Variants in TTC27 observed in about 807,000 individuals in gnomAD.
TTC27 encodes tetratricopeptide repeat protein 27.
A neutral mutation model predicts 115.9 loss-of-function variants in TTC27; 79 were observed. The observed-to-expected ratio is 0.68, with a 90% confidence interval of 0.57 to 0.82. TTC27 has a LOEUF of 0.82. TTC27 is among the 40% of genes least tolerant of loss of function. The pLI is 0.00. For synonymous variants in TTC27, 401 were observed against 356.0 expected, an observed-to-expected ratio of 1.13 and a Z score of -1.42; for missense variants, 1,054 against 993.1, an observed-to-expected ratio of 1.06 and a Z score of -0.82.
In TTC27 at chr2:32,736,810, C is replaced by A. The variant is rs200755624; in HGVS notation, c.1446C>A (p.His482Gln). ...TTTGTTATGAAAGAGCCGGGCAGCA[C>A]GGAAAGGTATGTAATAGTCCAATTT... is the stretch of plus-strand genomic sequence containing the variant. ...VVICYERAGQ[H>Q]GKAEEILRQE... Residue 482 changes from histidine (H) to glutamine (Q), a missense_variant, in exon 12 of 20, where the codon CAC becomes CAA. Physicochemically the swap from His to Gln is conservative, Grantham distance 24. Coordinates refer to ENST00000317907, the MANE Select transcript of TTC27 (RefSeq NM_017735.5). 5.0e-6 allele frequency: 8 copies of A among 1,613,688 alleles called. No homozygotes were observed. In the African/African-American group the frequency reaches 5.3e-5, roughly 11 times the overall value.
At chr2:32,815,496 C>G (rs1359708673) in intron 18 of TTC27, among the ~76,000 whole-genome samples, 1 of 152,064 alleles carries the variant, frequency 6.6e-6, no homozygotes, top group East Asian at 1.9e-4. Flanking sequence ...CTCAGCCTCC[C>G]AAAGTGCTGG....
intron 9 of TTC27, among the ~76,000 whole-genome samples, chr2:32,691,933 T>A (rs1666825787): frequency 6.6e-6 from 1 of 151,468 alleles, no homozygotes; most frequent in Non-Finnish European, 1.5e-5. Flanking sequence ...TGTGTAAAAG[T>A]GGAAATTCCA....
intron 7 of TTC27, among the ~76,000 whole-genome samples, chr2:32,669,360 TTGAAGA>T (rs1665921940): frequency 1.3e-5 from 2 of 152,218 alleles, no homozygotes; most frequent in Non-Finnish European, 2.9e-5. Flanking sequence ...TAATTACTAC[TTGAAGA>T]TGGAGAGTAC....
intron 12 of TTC27, among the ~76,000 whole-genome samples, chr2:32,743,975 G>C (rs1157337982): frequency 1.3e-5 from 2 of 152,180 alleles, no homozygotes; most frequent in Non-Finnish European, 2.9e-5. Flanking sequence ...TTTAGTATTA[G>C]TTCCAGTTGA....
At chr2:32,653,844 A>C (rs897442266) in intron 5 of TTC27, among the ~76,000 whole-genome samples, 1 of 152,198 alleles carries the variant, frequency 6.6e-6, no homozygotes, top group Admixed American at 6.5e-5. Flanking sequence ...GGTCACAAAT[A>C]TTCATTTCCA....
chr2:32,634,679 C>T (rs1015263916), intron 3 of TTC27, among the ~76,000 whole-genome samples: 2 of 151,410 alleles, frequency 1.3e-5, no homozygotes, highest in Non-Finnish European at 2.9e-5. Flanking sequence ...TTTTTTGAGA[C>T]AGAGTCTTGC....
chr2:32,661,772 C>T (rs1179205191), intron 5 of TTC27, among the ~76,000 whole-genome samples: 1 of 152,164 alleles, frequency 6.6e-6, no homozygotes, highest in Non-Finnish European at 1.5e-5. Context: ...TTTCTCTTGA[C>T]TGATTGCCCT....
At chr2:32,727,059 G>A (rs1396563309) in intron 10 of TTC27, among the ~76,000 whole-genome samples, 1 of 152,112 alleles carries the variant, frequency 6.6e-6, no homozygotes, top group Non-Finnish European at 1.5e-5. Context: ...CACAACATGT[G>A]GGAATTCAAG....
chr2:32,762,887 G>A (rs766927776), intron 13 of TTC27, among the ~76,000 whole-genome samples: 9 of 152,172 alleles, frequency 5.9e-5, no homozygotes, highest in East Asian at 3.9e-4. Flanking sequence ...TGATCCGCCC[G>A]CCTCGGTCTC....
intron 16 of TTC27, among the ~76,000 whole-genome samples, chr2:32,798,718 A>AAG (rs1670812587): frequency 7.1e-6 from 1 of 140,060 alleles, no homozygotes; most frequent in African/African-American, 2.6e-5. Context: ...AAAAAAAATA[A>AAG]TAATAATAAT....
At chr2:32,789,117 A>C (rs1670444588) in intron 16 of TTC27, among the ~76,000 whole-genome samples, 1 of 152,182 alleles carries the variant, frequency 6.6e-6, no homozygotes. Context: ...AGACAAAATA[A>C]CTATTCAAAG....
intron 9 of TTC27, 38 bp downstream of exon 9, chr2:32,678,960 C>T (rs1559202206): frequency 6.4e-7 from 1 of 1,560,988 alleles, no homozygotes; most frequent in South Asian, 1.1e-5. Context: ...TCATTTTTTT[C>T]CTGGTAAATT....
intron 9 of TTC27, among the ~76,000 whole-genome samples, chr2:32,686,647 C>T (rs899809671): frequency 6.6e-6 from 1 of 151,908 alleles, no homozygotes; most frequent in Admixed American, 6.6e-5. Flanking sequence ...AGGCATGAGC[C>T]ACCACGCCCG....
intron 12 of TTC27, among the ~76,000 whole-genome samples, chr2:32,746,238 T>C (rs934222848): frequency 6.6e-6 from 1 of 152,054 alleles, no homozygotes; most frequent in Admixed American, 6.5e-5. Flanking sequence ...TTAATAGACA[T>C]TTAGATATAA....
intron 10 of TTC27, among the ~76,000 whole-genome samples, chr2:32,713,016 A>C (rs747567078): frequency 2.0e-5 from 3 of 152,168 alleles, no homozygotes; most frequent in African/African-American, 7.2e-5. Context: ...GATTAATGCC[A>C]GTATTTCAGG....
intron 9 of TTC27, among the ~76,000 whole-genome samples, chr2:32,697,935 T>G (rs6721809): frequency 0.33 from 50,150 of 151,770 alleles, 9,142 homozygotes; most frequent in Non-Finnish European, 0.4. Flanking sequence ...TTATTTTTAA[T>G]AGAGATGGGG....
chr2:32,778,976 C>G (rs1459514696), intron 14 of TTC27, among the ~76,000 whole-genome samples: 1 of 152,218 alleles, frequency 6.6e-6, no homozygotes, highest in Non-Finnish European at 1.5e-5. Flanking sequence ...GTAATCCCAA[C>G]ACTTTGGGAG....
chr2:32,680,488 G>C (rs1311643841), intron 9 of TTC27, among the ~76,000 whole-genome samples: 1 of 152,080 alleles, frequency 6.6e-6, no homozygotes, highest in East Asian at 1.9e-4. Context: ...AAGAGACTAA[G>C]AATGGGATGG....
At chr2:32,765,188 G>A (rs1013884273) in intron 13 of TTC27, among the ~76,000 whole-genome samples, 2 of 152,130 alleles carry the variant, frequency 1.3e-5, no homozygotes. Context: ...CTTGTGAAAT[G>A]TATTTCTCAA....
Sources: gnomAD v4.1 joint callset for allele counts (sites outside exome capture counted in the v4.1 genomes callset) on GRCh38, gnomAD v4.1.1 for gene constraint, MANE v1.5 for transcripts, NCBI Gene and HGNC (gene_info 2026-07-23, HGNC 2026-07-21) for gene names.